APC: variants seen among roughly 807,000 people sequenced by gnomAD.
The protein encoded by APC is adenomatous polyposis coli protein.
A neutral mutation model predicts 247.0 loss-of-function variants in APC; 72 were observed. The ratio of observed to expected loss-of-function variants is 0.29; its 90% CI spans 0.24 to 0.35. The LOEUF is 0.35. Ranked by LOEUF, APC falls within the 10% of genes least tolerant of loss-of-function variation. APC has a pLI of 1.00. For synonymous variants in APC, 1,254 were observed against 1,162.5 expected, an observed-to-expected ratio of 1.08 and a Z score of -1.60; for missense variants, 3,400 against 3,360.7, an observed-to-expected ratio of 1.01 and a Z score of -0.29.
At chr5:112,714,978 TGAGG>T (rs1427003074) in intron 1 of APC, among the ~76,000 whole-genome samples, 3 of 152,190 alleles carry the variant, frequency 2.0e-5, no homozygotes, top group African/African-American at 4.8e-5. Context: ...GAAATAGAGT[TGAGG>T]TACCCCTTGG....
At position 112,842,078 on chromosome 5, in the gene APC, A is replaced by C. The variant is rs1766224879; in HGVS notation, c.6484A>C (p.Asn2162His). 6.2e-7 allele frequency: 1 copy of C among 1,610,702 alleles called. No individual in the cohort carries two copies. Among genetic ancestry groups the C allele is most frequent in the Non-Finnish European group, 8.5e-7 (1 of 1,176,968 alleles). ...TCAAGAAGAAAAACCCTTTACAAGT[A>C]ATAAAGGCCCACGAATTCTAAAACC... ...PDQEEKPFTS[N>H]KGPRILKPGE... Residue 2162 changes from asparagine (N) to histidine (H), a missense_variant, in exon 16 of 16, where the codon AAT becomes CAT. Physicochemically the swap from Asn to His is moderately conservative, Grantham distance 68 (BLOSUM62 1). Coordinates refer to ENST00000257430, the MANE Select transcript of APC (RefSeq NM_000038.6).
At chr5:112,717,908 C>CTTTTTCTTTTTTTTT (rs1751264440) in intron 1 of APC, among the ~76,000 whole-genome samples, 2 of 40,634 alleles carry the variant, frequency 4.9e-5, no homozygotes, top group African/African-American at 8.8e-5. Context: ...TTTTCTTTTT[C>CTTTTTCTTTTTTTTT]TTTTTTTTTT....
rs1554088347 is a variant in APC at position 112,843,019 on chromosome 5, T to A, written c.7425T>A (p.Thr2475=). Residue 2475 remains threonine, a synonymous_variant, in exon 16 of 16, where the codon ACT becomes ACA. Coordinates refer to ENST00000257430, the MANE Select transcript of APC (RefSeq NM_000038.6). The surrounding 1 kb of genome is among the most constrained non-coding windows in gnomAD (Gnocchi z 4.8). The part of the protein sequence containing the change: ...LSPSSRPASP[T]RSQAQTPVLS... The stretch of plus-strand genomic sequence containing the variant: ...CATCATCTAGACCAGCTTCTCCCAC[T>A]AGGTCCCAGGCACAAACTCCAGTTT... 2 of 1,613,842 alleles carry A rather than the reference T, an allele frequency of 1.2e-6. No individual in the cohort carries two copies. Among genetic ancestry groups the A allele is most frequent in the African/African-American group, 1.3e-5 (1 of 74,890 alleles).
chr5:112,756,093 A>G (rs1179527512), intron 2 of APC, among the ~76,000 whole-genome samples: 1 of 151,732 alleles, frequency 6.6e-6, no homozygotes, highest in African/African-American at 2.4e-5. Flanking sequence ...TTCCTATTCT[A>G]TCCTAGTTTT....
At chr5:112,792,700 G>A (rs1759767025) in intron 7 of APC, among the ~76,000 whole-genome samples, 171 bp downstream of exon 7, 1 of 152,028 alleles carries the variant, frequency 6.6e-6, no homozygotes, top group South Asian at 2.1e-4. Context: ...GGACTATTTT[G>A]ATTTTATCTA....
chr5:112,745,578 T>A (rs1288405741), intron 1 of APC, among the ~76,000 whole-genome samples: 7 of 128,616 alleles, frequency 5.4e-5, no homozygotes, highest in South Asian at 2.7e-4. Flanking sequence ...TATTATTATT[T>A]TTTGAGACGG....
intron 4 of APC, among the ~76,000 whole-genome samples, chr5:112,773,917 A>G (rs1156910405): frequency 6.6e-6 from 1 of 152,188 alleles, no homozygotes; most frequent in Non-Finnish European, 1.5e-5. Flanking sequence ...ACACCATTTA[A>G]AAAAACTAGA....
Position 112,839,917 on chromosome 5 carries a change from ACCT to A in APC, c.4328_4330del (p.Pro1443del), listed in dbSNP as rs1064793557. The A allele has an allele frequency of 6.2e-7, 1 of 1,613,766 alleles. No homozygotes were observed. The highest frequency in any genetic ancestry group is 1.3e-5 in the African/African-American group (1 of 74,810). On this transcript the variant is annotated inframe_deletion, in exon 16 of 16. Transcript: ENST00000257430. The surrounding 1 kb of genome is among the most constrained non-coding windows in gnomAD (Gnocchi z 5.0). ...CAAGCAGAAGTAAAACACCTCCACCACCTCCTCAAACAGCTCAAACCAAGCGAG... is the reference window on the plus strand; with the variant it reads ...CAAGCAGAAGTAAAACACCTCCACCACCTCAAACAGCTCAAACCAAGCGAG...
At chr5:112,739,377 A>C (rs1752717610) in intron 1 of APC, among the ~76,000 whole-genome samples, 2 of 152,206 alleles carry the variant, frequency 1.3e-5, no homozygotes, top group Non-Finnish European at 2.9e-5. Context: ...TGTCTCTTAA[A>C]TAATGTTTAT....
At chr5:112,812,991 A>G (rs1050793183) in intron 8 of APC, among the ~76,000 whole-genome samples, 10 of 152,174 alleles carry the variant, frequency 6.6e-5, no homozygotes, top group Non-Finnish European at 1.5e-4. Flanking sequence ...TAGTCAGCAT[A>G]AAGAGTCCAG....
chr5:112,841,958 G>A lies in APC; in HGVS notation c.6364G>A (p.Ala2122Thr), dbSNP rs1236966585. 6.2e-7 allele frequency: 1 copy of A among 1,613,758 alleles called. No homozygotes were observed. Among genetic ancestry groups the A allele is most frequent in the East Asian group, 2.2e-5 (1 of 44,878 alleles). Residue 2122 changes from alanine to threonine, a missense_variant, in exon 16 of 16, where the codon GCA becomes ACA. Ala to Thr is a moderately conservative substitution (Grantham distance 58, BLOSUM62 0). This residue lies in a region of APC where 1,788 missense variants were observed against 1,649.5 expected (regional missense o/e 1.08). Transcript: ENST00000257430. The surrounding 1 kb of genome is among the most constrained non-coding windows in gnomAD (Gnocchi z 4.6). ...VSSLHQAAAA[A>T]CLSRQASSDS... ...TAGTTTACATCAAGCTGCTGCTGCT[G>A]CATGTTTATCTAGACAAGCTTCGTC...
intron 5 of APC, among the ~76,000 whole-genome samples, chr5:112,778,663 C>T (rs1757974770): frequency 7.2e-6 from 1 of 138,568 alleles, no homozygotes. Flanking sequence ...TCTCCTGCCT[C>T]AGCCTCCCAA....
chr5:112,783,873 T>TA, intron 6 of APC: 1 of 299,312 alleles, frequency 3.3e-6, no homozygotes, highest in South Asian at 2.9e-5. Context: ...ATCAGAAAAT[T>TA]AAGTTCAAGT....
chr5:112,741,645 A>G (rs1214413930), intron 1 of APC, among the ~76,000 whole-genome samples: 2 of 152,228 alleles, frequency 1.3e-5, no homozygotes, highest in Admixed American at 6.5e-5. Context: ...TACCATCTTA[A>G]GCACTTTTAA....
intron 6 of APC, among the ~76,000 whole-genome samples, chr5:112,787,072 G>C (rs1759041982): frequency 6.6e-6 from 1 of 151,968 alleles, no homozygotes; most frequent in African/African-American, 2.4e-5. Flanking sequence ...ATTTTTAGTA[G>C]AGACGGGGTT....
intron 5 of APC, among the ~76,000 whole-genome samples, chr5:112,780,351 C>G (rs1226977376): frequency 6.6e-6 from 1 of 152,078 alleles, no homozygotes; most frequent in Non-Finnish European, 1.5e-5. Context: ...ATATGGTAAT[C>G]CTTACCTTAA....
rs1487838949 is a variant in APC, at chr5:112,846,135, ATGAT to A, written c.*2013_*2016del. On this transcript the variant is annotated 3_prime_UTR_variant, in exon 16 of 16. Coordinates refer to ENST00000257430, the MANE Select transcript of APC (RefSeq NM_000038.6). The stretch of plus-strand genomic sequence containing the variant: ...AACACTTCAATTTACTATCTTTGAA[ATGAT>A]TGACCTTTAAATTTTTGCCAAATGT... The A allele has an allele frequency of 4.3e-6, 1 of 232,448 alleles. No individual in the cohort carries two copies. Among genetic ancestry groups the A allele is most frequent in the Non-Finnish European group, 8.5e-6 (1 of 117,566 alleles). 14.4% of individuals were successfully genotyped at this position (232,448 alleles called of 1,614,324 possible).
rs1335284139 is a variant in APC at position 112,844,900 on chromosome 5, C to T, written c.*774C>T. On this transcript the variant is annotated 3_prime_UTR_variant, in exon 16 of 16. Coordinates refer to ENST00000257430, the MANE Select transcript of APC (RefSeq NM_000038.6). ...TCTGGTATTTGAGGTGAGATGGCTG[C>T]TCTTTTATTAATGAGACATGAATTG... is the stretch of plus-strand genomic sequence containing the variant. 8.6e-6 allele frequency: 2 copies of T among 232,510 alleles called. No individual in the cohort carries two copies. Among genetic ancestry groups the T allele is most frequent in the East Asian group, 1.2e-4 (2 of 16,372 alleles). 14.4% of individuals were successfully genotyped at this position (232,510 alleles called of 1,614,324 possible). A position where few individuals can be genotyped will look rare whatever the true frequency, so the allele number is the denominator to read the frequency against.
chr5:112,733,390 A>G (rs1419871274), upstream of APC, among the ~76,000 whole-genome samples: 1 of 152,206 alleles, frequency 6.6e-6, no homozygotes, highest in Non-Finnish European at 1.5e-5. Context: ...AGGGTCTTTA[A>G]AGAGGTTACT....
Sources: allele counts gnomAD v4.1 joint callset (sites outside exome capture counted in the v4.1 genomes callset), GRCh38; gene constraint gnomAD v4.1.1; regional missense constraint gnomAD v4.1.1; non-coding constraint Gnocchi (gnomAD v3.1); transcripts MANE v1.5; gene names NCBI Gene and HGNC (gene_info 2026-07-23, HGNC 2026-07-21).